Variants in PNLIPRP3 observed in about 807,000 individuals in gnomAD.
PNLIPRP3 encodes the protein pancreatic lipase-related protein 3.
Under a neutral mutation model 52.8 loss-of-function variants are expected in PNLIPRP3, and 58 were observed. The observed-to-expected ratio is 1.10, with a 90% CI of 0.89 to 1.37. The LOEUF is 1.37. Among genes scored for constraint, PNLIPRP3 ranks in the 40% most tolerant of loss-of-function variants. PNLIPRP3 has a pLI of 0.00. For synonymous variants in PNLIPRP3, 192 were observed against 185.0 expected (o/e 1.04, Z -0.31); for missense variants, 593 against 561.6 (o/e 1.06, Z -0.57).
intron 1 of PNLIPRP3, among the ~76,000 whole-genome samples, chr10:116,433,114 CAAAAAAA>C (rs71010080): frequency 2.7e-3 from 23 of 8,492 alleles, no homozygotes; most frequent in African/African-American, 8.8e-3. Flanking sequence ...AACTCCATCT[CAAAAAAA>C]AAAAAAAAAA....
intron 5 of PNLIPRP3, among the ~76,000 whole-genome samples, chr10:116,456,176 G>C (rs1026426823): frequency 6.6e-6 from 1 of 152,206 alleles, no homozygotes; most frequent in Non-Finnish European, 1.5e-5. Flanking sequence ...TGGTGGTTAT[G>C]AGAGGCTGGG....
Position 116,443,801 on chromosome 10 carries a change from G to GTGTATA in PNLIPRP3, c.325-581_325-580insTGTATA, listed in dbSNP as rs1845898955. Among the ~76,000 whole-genome samples the GTGTATA allele has an allele frequency of 5.8e-3, 65 of 11,146 alleles. 1 individual carries two copies. Among genetic ancestry groups the GTGTATA allele is most frequent in the East Asian group, 0.037 (15 of 404 alleles). The allele number at this position is 11,146 out of a possible 152,430, so 7.3% of individuals were successfully genotyped here. A position where few individuals can be genotyped will look rare whatever the true frequency, so the allele number is the denominator to read the frequency against. ...TGTGTGTGTGTATGTATGTGTGTGT[G>GTGTATA]CATATATATATATATATATATATAT... On this transcript the variant is annotated intron_variant, in intron 3 of 11. Coordinates refer to ENST00000369230, the MANE Select transcript of PNLIPRP3 (RefSeq NM_001011709.3).
At chr10:116,443,802 CATATATATATATAT>C (rs1200044232) in intron 3 of PNLIPRP3, among the ~76,000 whole-genome samples, 1 of 13,088 alleles carries the variant, frequency 7.6e-5, no homozygotes, top group African/African-American at 1.1e-4. Flanking sequence ...TGTGTGTGTG[CATATATATATATAT>C]ATATATATAT....
At chr10:116,437,005 G>C (rs1399685683) in intron 2 of PNLIPRP3, 140 bp downstream of exon 2, 4 of 873,828 alleles carry the variant, frequency 4.6e-6, no homozygotes, top group Non-Finnish European at 6.6e-6. Context: ...AGTATTATGA[G>C]TCAGATTTTT....
Position 116,477,668 on chromosome 10 carries a change from T to G in PNLIPRP3, c.*515T>G, listed in dbSNP as rs1846497714. 1 of 152,344 alleles carries G rather than the reference T, an allele frequency of 6.6e-6. No homozygotes were observed. The highest frequency in any genetic ancestry group is 2.4e-5 in the African/African-American group (1 of 41,452). 9.4% of individuals were successfully genotyped at this position (152,344 alleles called of 1,614,324 possible). ...GTGTCTATCTAGTAATAATAAAAAC[T>G]AATGAGATGGCACTAGTATTTCCAA... On this transcript the variant is annotated 3_prime_UTR_variant, in exon 12 of 12. Coordinates refer to ENST00000369230, the MANE Select transcript of PNLIPRP3 (RefSeq NM_001011709.3).
At chr10:116,446,839 T>C (rs1300049429) in intron 4 of PNLIPRP3, among the ~76,000 whole-genome samples, 1 of 152,212 alleles carries the variant, frequency 6.6e-6, no homozygotes. Context: ...CAGCACCATA[T>C]GATCTGAAGG....
At chr10:116,443,225 A>G (rs1431774764) in intron 3 of PNLIPRP3, 51 bp downstream of exon 3, 1 of 1,551,196 alleles carries the variant, frequency 6.4e-7, no homozygotes. Flanking sequence ...CTTTATGTTT[A>G]ACATGAATGT....
intron 2 of PNLIPRP3, among the ~76,000 whole-genome samples, chr10:116,442,463 T>C (rs1460798810): frequency 6.6e-6 from 1 of 152,226 alleles, no homozygotes; most frequent in East Asian, 1.9e-4. Flanking sequence ...AAAAATAAGA[T>C]TTACTGAAAC....
At chr10:116,476,421 A>G (rs2133164093) in intron 10 of PNLIPRP3, among the ~76,000 whole-genome samples, 1 of 152,316 alleles carries the variant, frequency 6.6e-6, no homozygotes, top group East Asian at 1.9e-4. Flanking sequence ...CTCTCTAGGT[A>G]TTCTCTAAAA....
At chr10:116,435,561 G>A (rs1050193980) in intron 1 of PNLIPRP3, among the ~76,000 whole-genome samples, 4 of 152,146 alleles carry the variant, frequency 2.6e-5, no homozygotes, top group African/African-American at 4.8e-5. Context: ...TTATCTCTCG[G>A]CTTCAAGCCT....
chr10:116,469,108 T>C, intron 8 of PNLIPRP3, 77 bp from the exon 9 acceptor site: 1 of 1,297,200 alleles, frequency 7.7e-7, no homozygotes. Context: ...TATTATTATT[T>C]AATAATATAT....
chr10:116,461,046 G>C lies in PNLIPRP3; in HGVS notation c.646G>C (p.Val216Leu), dbSNP rs114674677. ...CCCCTCGGATGCCAACTTTGTTGAC[G>C]TTATTCATACAAATGCAGCTCGCAT... ...LDPSDANFVD[V>L]IHTNAARILF... is the part of the protein sequence containing the mutation. The change falls in exon 6 of 12, where the codon GTT becomes CTT. Residue 216 changes from valine (V) to leucine (L), a missense_variant. Coordinates refer to ENST00000369230, the MANE Select transcript of PNLIPRP3 (RefSeq NM_001011709.3). The C allele has an allele frequency of 6.2e-7, 1 of 1,614,040 alleles. No individual in the cohort carries two copies. Among genetic ancestry groups the C allele is most frequent in the African/African-American group, 1.3e-5 (1 of 74,914 alleles).
At chr10:116,455,048 G>T (rs1846091255) in intron 4 of PNLIPRP3, among the ~76,000 whole-genome samples, 1 of 152,152 alleles carries the variant, frequency 6.6e-6, no homozygotes, top group Non-Finnish European at 1.5e-5. Flanking sequence ...GACAGCTCTT[G>T]TTTAATTTAT....
intron 2 of PNLIPRP3, among the ~76,000 whole-genome samples, chr10:116,438,896 T>C (rs1845817200): frequency 6.6e-6 from 1 of 152,172 alleles, no homozygotes; most frequent in Non-Finnish European, 1.5e-5. Context: ...GAGAGGAATA[T>C]TACTTAGCTT....
At chr10:116,465,525 A>G (rs1398015039) in intron 7 of PNLIPRP3, among the ~76,000 whole-genome samples, 1 of 151,174 alleles carries the variant, frequency 6.6e-6, no homozygotes, top group Non-Finnish European at 1.5e-5. Flanking sequence ...ACAGAGCCAG[A>G]CTCCATCTAA....
intron 9 of PNLIPRP3, 30 bp downstream of exon 9, chr10:116,469,347 T>C: frequency 6.4e-7 from 1 of 1,565,508 alleles, no homozygotes; most frequent in Non-Finnish European, 8.6e-7. Flanking sequence ...TTAATTGTAA[T>C]GCTTTAAGGT....
At chr10:116,460,672 C>A (rs936213567) in intron 5 of PNLIPRP3, among the ~76,000 whole-genome samples, 1 of 152,068 alleles carries the variant, frequency 6.6e-6, no homozygotes, top group Non-Finnish European at 1.5e-5. Context: ...CTTTGTAATT[C>A]ATAACCTTAT....
intron 11 of PNLIPRP3, 111 bp from the exon 12 acceptor site, chr10:116,476,979 G>T: frequency 8.5e-7 from 1 of 1,177,748 alleles, no homozygotes; most frequent in Non-Finnish European, 1.2e-6. Context: ...TGCTATATGT[G>T]CAGAAGTGTT....
chr10:116,471,116 A>AT (rs904013142), intron 9 of PNLIPRP3, among the ~76,000 whole-genome samples: 4 of 152,084 alleles, frequency 2.6e-5, no homozygotes, highest in Admixed American at 6.6e-5. Flanking sequence ...GAAGAATTGC[A>AT]TTTTTTCAGT....
Sources: gnomAD v4.1 joint callset for allele counts (sites outside exome capture counted in the v4.1 genomes callset) on GRCh38, gnomAD v4.1.1 for gene constraint, MANE v1.5 for transcripts, NCBI Gene and HGNC (gene_info 2026-07-23, HGNC 2026-07-21) for gene names.